AGTPBP1: variants seen among roughly 807,000 people sequenced by gnomAD.
AGTPBP1 encodes ATP/GTP binding carboxypeptidase 1.
Under a neutral mutation model 143.9 loss-of-function variants are expected in AGTPBP1, and 70 were observed. The ratio of observed to expected loss-of-function variants is 0.49; its 90% confidence interval spans 0.40 to 0.59. The LOEUF (loss-of-function observed/expected upper bound fraction) is 0.59, where lower values mean the gene tolerates loss of function less well. AGTPBP1 is among the 20% of genes least tolerant of loss of function. AGTPBP1 has a pLI of 0.00. For synonymous variants in AGTPBP1, 463 were observed against 500.2 expected (o/e 0.93, Z 0.99); for missense variants, 1,229 against 1,464.5 (o/e 0.84, Z 2.62).
chr9:85,615,837 T>C (rs958881471), intron 17 of AGTPBP1, among the ~76,000 whole-genome samples: 2 of 151,958 alleles, frequency 1.3e-5, no homozygotes, highest in African/African-American at 4.8e-5. Context: ...CAAATATCTA[T>C]GTATAATAAT....
chr9:85,572,412 TCTGATGAG>T (rs930014343), intron 25 of AGTPBP1, among the ~76,000 whole-genome samples: 1 of 151,916 alleles, frequency 6.6e-6, no homozygotes, highest in Admixed American at 6.6e-5. Flanking sequence ...CCTTAAAGAG[TCTGATGAG>T]GCCTATAAAC....
intron 1 of AGTPBP1, among the ~76,000 whole-genome samples, chr9:85,729,142 T>C (rs1343196106): frequency 1.3e-5 from 2 of 152,144 alleles, no homozygotes; most frequent in Admixed American, 6.5e-5. Context: ...GTCAAGTCCA[T>C]TCAGTTGGAA....
At chr9:85,640,697 T>G (rs1333396078) in intron 13 of AGTPBP1, among the ~76,000 whole-genome samples, 1 of 148,740 alleles carries the variant, frequency 6.7e-6, no homozygotes, top group Non-Finnish European at 1.5e-5. Flanking sequence ...CAAACTATAA[T>G]TAGAAAACAG....
intron 11 of AGTPBP1, among the ~76,000 whole-genome samples, chr9:85,649,340 T>G (rs1041493462): frequency 1.3e-5 from 2 of 152,202 alleles, no homozygotes; most frequent in Admixed American, 1.3e-4. Flanking sequence ...ATAAATGTGA[T>G]CTACTTTCCC....
chr9:85,661,739 C>T (rs994196201), intron 8 of AGTPBP1, among the ~76,000 whole-genome samples: 10 of 152,018 alleles, frequency 6.6e-5, no homozygotes, highest in Non-Finnish European at 8.8e-5. Flanking sequence ...TAATTCAAAT[C>T]GTTTATTTTT....
chr9:85,651,591 C>T (rs534611416), intron 11 of AGTPBP1, among the ~76,000 whole-genome samples: 4 of 152,112 alleles, frequency 2.6e-5, no homozygotes, highest in Non-Finnish European at 5.9e-5. Flanking sequence ...TTCTTGACAT[C>T]TCTAATTCAT....
intron 1 of AGTPBP1, among the ~76,000 whole-genome samples, chr9:85,721,238 A>T (rs1838094325): frequency 6.6e-6 from 1 of 152,110 alleles, no homozygotes. Flanking sequence ...CTTCTGTCTC[A>T]TTGATCTAAT....
chr9:85,585,654 G>A, intron 22 of AGTPBP1, 60 bp from the exon 23 acceptor site: 2 of 1,379,214 alleles, frequency 1.5e-6, no homozygotes, highest in Non-Finnish European at 9.6e-7. Context: ...CTAAGTAAAG[G>A]TAGTTAATAT....
intron 25 of AGTPBP1, among the ~76,000 whole-genome samples, chr9:85,567,230 C>T (rs559692590): frequency 6.6e-6 from 1 of 152,258 alleles, no homozygotes; most frequent in African/African-American, 2.4e-5. Context: ...ACAGCACAAT[C>T]CACAAGTGAC....
chr9:85,697,860 T>C (rs1030763681), intron 2 of AGTPBP1, among the ~76,000 whole-genome samples: 1 of 152,196 alleles, frequency 6.6e-6, no homozygotes, highest in Non-Finnish European at 1.5e-5. Flanking sequence ...GCCAAAAAGT[T>C]TGATAACTGC....
chr9:85,741,519 C>G (rs954262242), intron 1 of AGTPBP1: 2 of 985,404 alleles, frequency 2.0e-6, no homozygotes, highest in Non-Finnish European at 2.4e-6. Context: ...GGGGATCCAC[C>G]GAGGGTCCGG....
intron 17 of AGTPBP1, among the ~76,000 whole-genome samples, chr9:85,615,694 G>T (rs1830567313): frequency 6.6e-6 from 1 of 151,906 alleles, no homozygotes; most frequent in Middle Eastern, 3.4e-3. Context: ...TTTTTTGGAT[G>T]CTCCCTTTCT....
intron 14 of AGTPBP1, among the ~76,000 whole-genome samples, chr9:85,624,979 AC>A (rs1313116385): frequency 1.3e-5 from 2 of 152,184 alleles, no homozygotes; most frequent in East Asian, 3.9e-4. Context: ...TGTTTTTTCA[AC>A]CACTGCACAT....
At chr9:85,672,924 G>A (rs1184902936) in intron 6 of AGTPBP1, among the ~76,000 whole-genome samples, 2 of 151,256 alleles carry the variant, frequency 1.3e-5, no homozygotes, top group African/African-American at 4.9e-5. Context: ...TAGTGGAGAC[G>A]GGCTTTCGCC....
the AGTPBP1 span, among the ~76,000 whole-genome samples, chr9:85,751,510 T>C: frequency 1.3e-5 from 2 of 152,300 alleles, no homozygotes; most frequent in East Asian, 3.9e-4. Flanking sequence ...AGAGAGTATG[T>C]GAACTGGCCA....
chr9:85,743,951 A>T, upstream of AGTPBP1, among the ~76,000 whole-genome samples: 1 of 132,858 alleles, frequency 7.5e-6, no homozygotes. Context: ...TTGAGACAAG[A>T]CTCTCACTCT....
chr9:85,585,982 G>T lies in AGTPBP1; in HGVS notation c.3034-388C>A, dbSNP rs1009377728. Among the ~76,000 whole-genome samples, 5 of 152,274 alleles carry T rather than the reference G, an allele frequency of 3.3e-5. No homozygotes were observed. In the East Asian group the frequency reaches 9.7e-4, roughly 29 times the overall value. On this transcript the variant is annotated intron_variant, in intron 22 of 25. Coordinates refer to ENST00000357081, the MANE Select transcript of AGTPBP1 (RefSeq NM_001330701.2). ...AATCCCAGCACTTTGGGAAGCCAAG[G>T]CGGGTGGATCACCAGAGGCCAGCAT...
chr9:85,616,573 A>G (rs1236875285), intron 17 of AGTPBP1, among the ~76,000 whole-genome samples: 2 of 151,988 alleles, frequency 1.3e-5, no homozygotes, highest in African/African-American at 2.4e-5. Context: ...ATTGACTATT[A>G]TATCAGGAAT....
At chr9:85,593,333 C>T (rs887326992) in intron 18 of AGTPBP1, among the ~76,000 whole-genome samples, 1 of 152,050 alleles carries the variant, frequency 6.6e-6, no homozygotes, top group African/African-American at 2.4e-5. Flanking sequence ...CATGACAATC[C>T]AGCTTCTTTA....
Sources: allele counts gnomAD v4.1 joint callset (sites outside exome capture counted in the v4.1 genomes callset), GRCh38; gene constraint gnomAD v4.1.1; transcripts MANE v1.5; gene names NCBI Gene and HGNC (gene_info 2026-07-23, HGNC 2026-07-21).